LOC128706666: variants seen among roughly 807,000 people sequenced by gnomAD.
At chr20:10,429,080 C>A in the LOC128706666 span, among the ~76,000 whole-genome samples, 1 of 152,176 alleles carries the variant, frequency 6.6e-6, no homozygotes, top group East Asian at 1.9e-4. Flanking sequence ...CCTTTACCAT[C>A]TTCCTTCCCA....
At chr20:10,415,697 C>T in the LOC128706666 span, among the ~76,000 whole-genome samples, 1 of 152,228 alleles carries the variant, frequency 6.6e-6, no homozygotes, top group Non-Finnish European at 1.5e-5. Flanking sequence ...CTTACATACA[C>T]ACCCCACAAT....
At chr20:10,419,426 A>G in the LOC128706666 span, among the ~76,000 whole-genome samples, 1 of 152,186 alleles carries the variant, frequency 6.6e-6, no homozygotes, top group African/African-American at 2.4e-5. Context: ...ACAAATGCCA[A>G]TAAAATTTCT....
the LOC128706666 span, among the ~76,000 whole-genome samples, chr20:10,419,386 A>G: frequency 1.3e-5 from 2 of 152,184 alleles, no homozygotes; most frequent in African/African-American, 2.4e-5. Flanking sequence ...ATAATATAGT[A>G]TAACGCTATA....
the LOC128706666 span, among the ~76,000 whole-genome samples, chr20:10,421,544 C>T: frequency 4.6e-5 from 7 of 152,004 alleles, no homozygotes; most frequent in Admixed American, 1.3e-4. Flanking sequence ...GTTTCAACTG[C>T]GATTGCAACA....
chr20:10,426,642 T>C, the LOC128706666 span, among the ~76,000 whole-genome samples: 152,290 of 152,360 alleles, frequency 1, 76,110 homozygotes, highest in Middle Eastern at 1. Context: ...AAGTGATATG[T>C]CCGCCTCAGC....
the LOC128706666 span, among the ~76,000 whole-genome samples, chr20:10,430,074 C>A: frequency 6.6e-6 from 1 of 152,198 alleles, no homozygotes; most frequent in Non-Finnish European, 1.5e-5. Context: ...TGGTTGTATT[C>A]CTGCTTTGCT....
At chr20:10,419,208 T>A in the LOC128706666 span, among the ~76,000 whole-genome samples, 1 of 152,114 alleles carries the variant, frequency 6.6e-6, no homozygotes, top group Non-Finnish European at 1.5e-5. Flanking sequence ...TTAGAGCATA[T>A]TATTCACCTC....
At chr20:10,421,675 G>A in the LOC128706666 span, among the ~76,000 whole-genome samples, 1 of 152,020 alleles carries the variant, frequency 6.6e-6, no homozygotes, top group Non-Finnish European at 1.5e-5. Context: ...TGTTTGCCCT[G>A]AATCACTAGA....
the LOC128706666 span, among the ~76,000 whole-genome samples, chr20:10,421,960 C>CT: frequency 6.6e-6 from 1 of 152,008 alleles, no homozygotes; most frequent in Non-Finnish European, 1.5e-5. Context: ...AATTGCATCT[C>CT]TGAGTTTTAG....
chr20:10,430,881 G>A, the LOC128706666 span, among the ~76,000 whole-genome samples: 2 of 152,184 alleles, frequency 1.3e-5, no homozygotes, highest in Non-Finnish European at 2.9e-5. Flanking sequence ...AAACTTGGTC[G>A]ACATTTTCAG....
chr20:10,424,698 G>A, the LOC128706666 span, among the ~76,000 whole-genome samples: 1 of 151,974 alleles, frequency 6.6e-6, no homozygotes, highest in African/African-American at 2.4e-5. Context: ...AACATATTTT[G>A]GGGATACAAT....
chr20:10,417,683 A>AT, the LOC128706666 span, among the ~76,000 whole-genome samples: 2 of 148,070 alleles, frequency 1.4e-5, 1 homozygote, highest in Non-Finnish European at 3.0e-5. Context: ...AAAAAAAAAA[A>AT]TCAACATCAT....
At chr20:10,416,694 C>T in the LOC128706666 span, among the ~76,000 whole-genome samples, 1 of 152,112 alleles carries the variant, frequency 6.6e-6, no homozygotes. Flanking sequence ...AAAGTTGTTC[C>T]AGCTAATAAA....
chr20:10,430,289 C>A, the LOC128706666 span, among the ~76,000 whole-genome samples: 1 of 152,158 alleles, frequency 6.6e-6, no homozygotes, highest in Non-Finnish European at 1.5e-5. Flanking sequence ...TCTTCACTTA[C>A]CACTTTACAA....
At chr20:10,422,607 C>A in the LOC128706666 span, among the ~76,000 whole-genome samples, 5 of 152,158 alleles carry the variant, frequency 3.3e-5, no homozygotes, top group Non-Finnish European at 5.9e-5. Flanking sequence ...TTGCAAACAC[C>A]TTAACTAAAG....
the LOC128706666 span, among the ~76,000 whole-genome samples, chr20:10,420,983 T>C: frequency 6.6e-6 from 1 of 152,214 alleles, no homozygotes; most frequent in Non-Finnish European, 1.5e-5. Context: ...CAATACTGAC[T>C]TTTTGGCAAC....
chr20:10,431,038 G>A, the LOC128706666 span, among the ~76,000 whole-genome samples: 6 of 152,092 alleles, frequency 3.9e-5, no homozygotes, highest in Non-Finnish European at 8.8e-5. Flanking sequence ...CTGAAATAGG[G>A]GGCCACATTA....
At chr20:10,424,775 G>A in the LOC128706666 span, among the ~76,000 whole-genome samples, 1 of 151,976 alleles carries the variant, frequency 6.6e-6, no homozygotes, top group African/African-American at 2.4e-5. Flanking sequence ...ATTAGAGCAG[G>A]GCACGGTGGC....
chr20:10,419,453 T>A, the LOC128706666 span, among the ~76,000 whole-genome samples: 34 of 152,266 alleles, frequency 2.2e-4, no homozygotes, highest in African/African-American at 7.5e-4. Flanking sequence ...AAACTCAATT[T>A]TCATATTAAG....
Sources: gnomAD v4.1 joint callset for allele counts (sites outside exome capture counted in the v4.1 genomes callset) on GRCh38, gnomAD v4.1.1 for gene constraint, MANE v1.5 for transcripts.